The following PAK1 variants were observed in gnomAD, a reference collection of about 807,000 sequenced individuals.
PAK1 encodes the protein p21 (RAC1) activated kinase 1.
A neutral mutation model predicts 67.4 loss-of-function variants in PAK1; 29 were observed. The ratio of observed to expected loss-of-function variants is 0.43; its 90% CI spans 0.32 to 0.59. The LOEUF is 0.59. Ranked by LOEUF, PAK1 falls within the 20% of genes least tolerant of loss-of-function variation. The pLI is 0.07. For missense variants in PAK1, 337 were observed against 670.7 expected (o/e 0.50, Z 5.50); for synonymous variants, 223 against 237.4 (o/e 0.94, Z 0.56).
Position 77,358,944 on chromosome 11 carries a change from G to T in PAK1, c.551C>A (p.Ala184Asp), listed in dbSNP as rs1565612875. Residue 184 changes from alanine to aspartate, a missense_variant, in exon 6 of 15, where the codon GCT (alanine) becomes GAT (aspartate). Physicochemically the swap from Ala to Asp is moderately radical, Grantham distance 126 (BLOSUM62 -2). Coordinates refer to ENST00000356341, the MANE Select transcript of PAK1 (RefSeq NM_002576.5). ...TGGAGCAATCACTGGTGGTGGGGTAGCATCATCATCATCATCATCCTCATC... is the reference window on the plus strand; with the variant it reads ...TGGAGCAATCACTGGTGGTGGGGTATCATCATCATCATCATCATCCTCATC... ...SEDEDDDDDD[A>D]TPPPVIAPRP... 6.8e-6 allele frequency: 11 copies of T among 1,612,978 alleles called. No individual in the cohort carries two copies. Among genetic ancestry groups the T allele is most frequent in the Non-Finnish European group, 8.5e-6 (10 of 1,179,174 alleles).
At chr11:77,459,143 C>T (rs930678084) in intron 1 of PAK1, among the ~76,000 whole-genome samples, 1 of 152,134 alleles carries the variant, frequency 6.6e-6, no homozygotes, top group Non-Finnish European at 1.5e-5. Flanking sequence ...AGAGATGATG[C>T]TGAAGAGGTA....
the PAK1 span, among the ~76,000 whole-genome samples, chr11:77,523,523 G>A: frequency 2.6e-5 from 4 of 151,502 alleles, no homozygotes; most frequent in South Asian, 4.2e-4. Flanking sequence ...AGATTCAAGC[G>A]ATTTTCCTGC....
At chr11:77,407,513 T>C (rs188679507) in intron 1 of PAK1, among the ~76,000 whole-genome samples, 1 of 152,336 alleles carries the variant, frequency 6.6e-6, no homozygotes, top group East Asian at 1.9e-4. Flanking sequence ...GGCTATAGCA[T>C]CTGAGCAATT....
chr11:77,451,911 G>A (rs528454512), intron 1 of PAK1, among the ~76,000 whole-genome samples: 10 of 152,208 alleles, frequency 6.6e-5, no homozygotes, highest in African/African-American at 2.4e-4. Context: ...TCTCGTTAAT[G>A]TCTTTTGCTA....
intron 1 of PAK1, among the ~76,000 whole-genome samples, chr11:77,473,028 G>C (rs1400148085): frequency 6.6e-6 from 1 of 152,146 alleles, no homozygotes; most frequent in East Asian, 1.9e-4. Flanking sequence ...AGAATATTCC[G>C]GGGTGGGGGA....
intron 1 of PAK1, among the ~76,000 whole-genome samples, chr11:77,431,504 T>A (rs190057949): frequency 1.8e-4 from 28 of 152,302 alleles, no homozygotes; most frequent in Non-Finnish European, 3.5e-4. Flanking sequence ...GTAGGACTTA[T>A]GTGATGCTAA....
chr11:77,387,362 T>C (rs1418161969), intron 2 of PAK1, among the ~76,000 whole-genome samples: 4 of 152,180 alleles, frequency 2.6e-5, no homozygotes, highest in Non-Finnish European at 5.9e-5. Flanking sequence ...CGTGAGCCAC[T>C]TGCACCCCGC....
chr11:77,461,687 C>T (rs1216463255), intron 1 of PAK1, among the ~76,000 whole-genome samples: 2 of 152,060 alleles, frequency 1.3e-5, no homozygotes, highest in Non-Finnish European at 2.9e-5. Flanking sequence ...AAAAAGGAAA[C>T]AGAAAAGGGT....
intron 1 of PAK1, among the ~76,000 whole-genome samples, chr11:77,394,075 A>C: frequency 6.6e-6 from 1 of 152,202 alleles, no homozygotes; most frequent in East Asian, 1.9e-4. Context: ...TATTATCTTA[A>C]ATAAACGTCC....
chr11:77,487,392 G>A, the PAK1 span, among the ~76,000 whole-genome samples: 1 of 151,822 alleles, frequency 6.6e-6, no homozygotes, highest in Non-Finnish European at 1.5e-5. Flanking sequence ...CCCAGCTATG[G>A]TAGCCACAGG....
At chr11:77,428,064 C>A (rs945846686) in intron 1 of PAK1, among the ~76,000 whole-genome samples, 2 of 152,180 alleles carry the variant, frequency 1.3e-5, no homozygotes, top group African/African-American at 4.8e-5. Context: ...ACGAAAGGTA[C>A]CTTTGGGTCA....
intron 2 of PAK1, among the ~76,000 whole-genome samples, chr11:77,381,179 A>T (rs1204185349): frequency 8.5e-5 from 6 of 70,180 alleles, no homozygotes; most frequent in African/African-American, 3.5e-4. Flanking sequence ...GTGTGTGTAG[A>T]GAGAGAGAGA....
At chr11:77,512,370 T>C in the PAK1 span, among the ~76,000 whole-genome samples, 146,307 of 152,130 alleles carry the variant, frequency 0.96, 70,396 homozygotes, top group Middle Eastern at 1. Context: ...TGTGGTCATT[T>C]GTGTGGTCTC....
chr11:77,516,298 G>A, the PAK1 span, among the ~76,000 whole-genome samples: 1 of 152,122 alleles, frequency 6.6e-6, no homozygotes, highest in African/African-American at 2.4e-5. Context: ...GCTATACAAT[G>A]TCGTGACTAA....
At position 77,353,536 on chromosome 11, in the gene PAK1, C is replaced by A; in HGVS notation, c.836G>T (p.Gly279Val). The stretch of plus-strand genomic sequence containing the variant: ...AGGGAAAGAAAATGCCCCTACTAAC[C>A]CTTGTCCAATCTTCTCAAACCGTGT... ...KYTRFEKIGQ[G>V]ASGTVYTAMD... Residue 279 changes from glycine (G) to valine (V), a missense_variant and splice_region_variant, in exon 8 of 15, where the codon GGT (glycine) becomes GTT (valine). By Grantham distance (109) the Gly-to-Val change is moderately radical (BLOSUM62 -3). Transcript: ENST00000356341. 6.2e-7 allele frequency: 1 copy of A among 1,602,202 alleles called. No individual in the cohort carries two copies. Among genetic ancestry groups the A allele is most frequent in the Non-Finnish European group, 8.6e-7 (1 of 1,169,318 alleles).
At chr11:77,390,663 CT>C (rs56816970) in intron 2 of PAK1, among the ~76,000 whole-genome samples, 1,491 of 132,750 alleles carry the variant, frequency 0.011, 11 homozygotes, top group Non-Finnish European at 0.014. Context: ...TGCCCGACTC[CT>C]TTTTTTTTTT....
chr11:77,492,358 CA>C, the PAK1 span, among the ~76,000 whole-genome samples: 35 of 140,496 alleles, frequency 2.5e-4, no homozygotes, highest in East Asian at 1.0e-3. Context: ...AAAACAACAA[CA>C]AAAAAAAAAA....
intron 6 of PAK1, among the ~76,000 whole-genome samples, chr11:77,358,441 A>C (rs1211948406): frequency 6.6e-6 from 1 of 152,188 alleles, no homozygotes; most frequent in African/African-American, 2.4e-5. Context: ...TATTAATAGC[A>C]CTAATGTATT....
the PAK1 span, among the ~76,000 whole-genome samples, chr11:77,516,261 C>T: frequency 6.6e-6 from 1 of 152,102 alleles, no homozygotes; most frequent in Non-Finnish European, 1.5e-5. Context: ...CAGTATAACT[C>T]CAGCATTGAA....
Sources: gnomAD v4.1 joint callset for allele counts (sites outside exome capture counted in the v4.1 genomes callset) on GRCh38, gnomAD v4.1.1 for gene constraint, MANE v1.5 for transcripts, NCBI Gene and HGNC (gene_info 2026-07-23, HGNC 2026-07-21) for gene names.